SEPTIN9: variants seen among roughly 807,000 people sequenced by gnomAD.
SEPTIN9 encodes septin 9, also known as septin-9.
Under a neutral mutation model 56.6 loss-of-function variants are expected in SEPTIN9, and 13 were observed. The observed-to-expected ratio is 0.23, with a 90% confidence interval of 0.15 to 0.37. The LOEUF (loss-of-function observed/expected upper bound fraction) is 0.37. SEPTIN9 is among the 10% of genes least tolerant of loss of function. The pLI, the probability that SEPTIN9 is intolerant of heterozygous loss-of-function variation, is 1.00. For synonymous variants in SEPTIN9, 332 were observed against 334.1 expected, an observed-to-expected ratio of 0.99 and a Z score of 0.07; for missense variants, 650 against 823.1, an observed-to-expected ratio of 0.79 and a Z score of 2.57.
intron 2 of SEPTIN9, among the ~76,000 whole-genome samples, chr17:77,373,002 G>A (rs933325472): frequency 6.6e-6 from 1 of 152,128 alleles, no homozygotes; most frequent in Non-Finnish European, 1.5e-5. Context: ...CTTCCCCTCT[G>A]GGCGCCCGCC....
rs115665761 is a variant in SEPTIN9, at chr17:77,369,047, A to G, written c.77-33012A>G. Among the ~76,000 whole-genome samples the G allele has an allele frequency of 8.3e-3, 1,271 of 152,300 alleles. 27 individuals are homozygous for G. The highest frequency in any genetic ancestry group is 0.029 in the African/African-American group (1,210 of 41,568). On this transcript the variant is annotated intron_variant, in intron 2 of 11. Transcript: ENST00000427177. The surrounding 1 kb of genome is among the most constrained non-coding windows in gnomAD (Gnocchi z 4.9). ...ATCTGAGTTCAAAACCAGCCTGGCC[A>G]GCAGGGTGAATCCTCATCTCTAGTA...
rs1403566892 is a variant in SEPTIN9 at position 77,499,953 on chromosome 17, C to T, written c.*1295C>T. 7 of 240,900 alleles carry T rather than the reference C, an allele frequency of 2.9e-5. 1 individual carries two copies. Among genetic ancestry groups the T allele is most frequent in the Non-Finnish European group, 5.7e-5 (7 of 122,620 alleles). The allele number at this position is 240,900 out of a possible 1,614,324, so 14.9% of individuals were successfully genotyped here. A position where few individuals can be genotyped will look rare whatever the true frequency, so the allele number is the denominator to read the frequency against. On this transcript the variant is annotated 3_prime_UTR_variant, in exon 12 of 12. Transcript: ENST00000427177. ...AGGTTTCGTGGCAGCACGGCCCGGC[C>T]CCTCACCCTCTGTCCCCACGAGGGG...
intron 4 of SEPTIN9, among the ~76,000 whole-genome samples, chr17:77,484,745 G>A (rs1363984326): frequency 7.2e-5 from 4 of 55,660 alleles, no homozygotes; most frequent in Admixed American, 2.9e-4. Context: ...GGTGGTGGTG[G>A]TGGTTGTGAT....
chr17:77,373,103 C>G, intron 2 of SEPTIN9: 1 of 787,636 alleles, frequency 1.3e-6, no homozygotes, highest in Non-Finnish European at 1.6e-6. Flanking sequence ...CTCTCGCCGT[C>G]CCCTGGGCGC....
chr17:77,475,550 T>C lies in SEPTIN9; in HGVS notation c.722-6594T>C, dbSNP rs1437588173. 6.2e-7 allele frequency: 1 copy of C among 1,612,854 alleles called. No individual in the cohort carries two copies. Among genetic ancestry groups the C allele is most frequent in the Admixed American group, 1.7e-5 (1 of 59,994 alleles). On this transcript the variant is annotated intron_variant, in intron 3 of 11. Coordinates refer to ENST00000427177, the MANE Select transcript of SEPTIN9 (RefSeq NM_001113491.2). This position sits in a 1 kb window ranked among gnomAD's most constrained non-coding sequence, Gnocchi z 4.6. ...TCAAGTTTCTGGGAAGGCCTGCAGG[T>C]GGCCGTAGGGCTGCCGCAGGGGTGC...
chr17:77,288,798 C>T (rs1005196806), intron 1 of SEPTIN9, among the ~76,000 whole-genome samples: 12 of 152,142 alleles, frequency 7.9e-5, no homozygotes, highest in African/African-American at 2.9e-4. Flanking sequence ...ACAGAGGTGT[C>T]GGGCTGTCGG....
intron 3 of SEPTIN9, among the ~76,000 whole-genome samples, chr17:77,443,071 A>G (rs1050054444): frequency 6.6e-6 from 1 of 151,998 alleles, no homozygotes; most frequent in African/African-American, 2.4e-5. Flanking sequence ...CCTGTATACC[A>G]TCTTAATAGG....
intron 3 of SEPTIN9, among the ~76,000 whole-genome samples, chr17:77,455,929 C>T (rs2038181280): frequency 6.6e-6 from 1 of 152,154 alleles, no homozygotes; most frequent in African/African-American, 2.4e-5. Context: ...AGAAAAAGGG[C>T]CAAAGAGCAG....
At chr17:77,495,622 T>A (rs1007481559) in intron 10 of SEPTIN9, among the ~76,000 whole-genome samples, 1 of 152,068 alleles carries the variant, frequency 6.6e-6, no homozygotes, top group East Asian at 1.9e-4. Flanking sequence ...AGCCAGGGAG[T>A]GGCGATCACA....
At chr17:77,309,838 C>T (rs971731784) in intron 2 of SEPTIN9, among the ~76,000 whole-genome samples, 2 of 152,234 alleles carry the variant, frequency 1.3e-5, no homozygotes, top group Non-Finnish European at 2.9e-5. Context: ...AGAAGTGAGA[C>T]ATTGCAGGTG....
Position 77,451,307 on chromosome 17 carries a change from C to T in SEPTIN9, c.722-30837C>T, listed in dbSNP as rs2037957814. 3.2e-6 allele frequency: 3 copies of T among 950,850 alleles called. No individual in the cohort carries two copies. In the South Asian group the frequency reaches 1.5e-4, roughly 46 times the overall value. 58.9% of individuals were successfully genotyped at this position (950,850 alleles called of 1,614,324 possible). On this transcript the variant is annotated intron_variant, in intron 3 of 11. Coordinates refer to ENST00000427177, the MANE Select transcript of SEPTIN9 (RefSeq NM_001113491.2). This position sits in a 1 kb window ranked among gnomAD's most constrained non-coding sequence, Gnocchi z 4.2. Reference sequence around the variant, plus strand: ...GCGCCCCTATCTCTGCCTGCCCCCTCCTCCTGCTCCCCTCGCCCTGCCCCC... The same window carrying T: ...GCGCCCCTATCTCTGCCTGCCCCCTTCTCCTGCTCCCCTCGCCCTGCCCCC...
intron 3 of SEPTIN9, among the ~76,000 whole-genome samples, chr17:77,424,327 G>A (rs1287446362): frequency 3.3e-5 from 5 of 152,272 alleles, no homozygotes; most frequent in African/African-American, 1.2e-4. Context: ...GAGCTGGTTT[G>A]CAGCGAGGCT....
chr17:77,421,779 C>T lies in SEPTIN9; in HGVS notation c.721+19076C>T, dbSNP rs972174938. On this transcript the variant is annotated intron_variant, in intron 3 of 11. Transcript: ENST00000427177. This position sits in a 1 kb window ranked among gnomAD's most constrained non-coding sequence, Gnocchi z 4.6. ...TTGCTAGTGGATGGGTCTTCACCCT[C>T]GGGGATTGGCAGCTGCCACGCTCAT... is the stretch of plus-strand genomic sequence containing the variant. 3.3e-5 allele frequency among the ~76,000 whole-genome samples: 5 copies of T among 152,122 alleles called. No individual in the cohort carries two copies. Among genetic ancestry groups the T allele is most frequent in the Non-Finnish European group, 7.4e-5 (5 of 68,022 alleles).
Position 77,410,603 on chromosome 17 carries a change from C to T in SEPTIN9, c.721+7900C>T, listed in dbSNP as rs572424165. On this transcript the variant is annotated intron_variant, in intron 3 of 11. Transcript: ENST00000427177. ...CCCTGCCCTGCCTAGTGGCTTTCCT[C>T]TCTGGTCCGTTTTCTCATTGTGGAA... 2.0e-5 allele frequency among the ~76,000 whole-genome samples: 3 copies of T among 152,360 alleles called. No homozygotes were observed. In the South Asian group the frequency reaches 6.2e-4, roughly 32 times the overall value.
chr17:77,345,280 T>C (rs1399692567), intron 2 of SEPTIN9, among the ~76,000 whole-genome samples: 1 of 152,172 alleles, frequency 6.6e-6, no homozygotes, highest in African/African-American at 2.4e-5. Flanking sequence ...GCCACCAAAC[T>C]GCACACCTGA....
intron 4 of SEPTIN9, among the ~76,000 whole-genome samples, chr17:77,484,709 A>G (rs960073721): frequency 6.7e-4 from 26 of 38,606 alleles, no homozygotes; most frequent in South Asian, 3.5e-3. Flanking sequence ...GATGGTGGTG[A>G]TGTGGGTGGT....
chr17:77,296,228 A>G (rs772965934), intron 1 of SEPTIN9, among the ~76,000 whole-genome samples: 11 of 152,116 alleles, frequency 7.2e-5, no homozygotes, highest in Non-Finnish European at 1.5e-4. Flanking sequence ...TGAGAAATAC[A>G]TGTCTGTTGT....
At chr17:77,404,497 C>T (rs983235536) in intron 3 of SEPTIN9, among the ~76,000 whole-genome samples, 4 of 152,366 alleles carry the variant, frequency 2.6e-5, no homozygotes, top group African/African-American at 9.6e-5. Flanking sequence ...AGCCTCCTGC[C>T]TCGGCCTCCC....
rs754785154 is a variant in SEPTIN9 at position 77,369,886 on chromosome 17, C to T, written c.77-32173C>T. Among the ~76,000 whole-genome samples, 3 of 152,244 alleles carry T rather than the reference C, an allele frequency of 2.0e-5. No homozygotes were observed. Among genetic ancestry groups the T allele is most frequent in the East Asian group, 1.9e-4 (1 of 5,206 alleles). The stretch of plus-strand genomic sequence containing the variant: ...GGATTTCCTCCCCACTCCGTTCCCA[C>T]GCTTTGTAAGCTTCATTTCCCCGGG... On this transcript the variant is annotated intron_variant, in intron 2 of 11. Transcript: ENST00000427177. The surrounding 1 kb of genome is among the most constrained non-coding windows in gnomAD (Gnocchi z 4.9).
Sources: allele counts gnomAD v4.1 joint callset (sites outside exome capture counted in the v4.1 genomes callset), GRCh38; gene constraint gnomAD v4.1.1; non-coding constraint Gnocchi (gnomAD v3.1); transcripts MANE v1.5; gene names NCBI Gene and HGNC (gene_info 2026-07-23, HGNC 2026-07-21).